DSCAML1: variants seen among roughly 807,000 people sequenced by gnomAD.
The protein encoded by DSCAML1 is DS cell adhesion molecule like 1, also known as cell adhesion molecule DSCAML1.
DSCAML1 carries 38 observed loss-of-function variants against 200.5 expected under a neutral mutation model. That is an observed-to-expected ratio of 0.19 (90% CI 0.15 to 0.25). The LOEUF (loss-of-function observed/expected upper bound fraction) is 0.25, where lower values mean the gene tolerates loss of function less well. Among genes scored for constraint, DSCAML1 ranks in the 10% least tolerant of loss-of-function variants. The probability of loss-of-function intolerance (pLI) is 1.00; values close to 1 mark genes in which losing one functional copy is unlikely to be tolerated. For missense variants in DSCAML1, 2,223 were observed against 2,858.8 expected (o/e 0.78, Z 5.07); for synonymous variants, 1,215 against 1,165.0 (o/e 1.04, Z -0.87).
chr11:117,734,006 A>C (rs917834576), intron 3 of DSCAML1, among the ~76,000 whole-genome samples: 1 of 148,442 alleles, frequency 6.7e-6, no homozygotes, highest in Non-Finnish European at 1.5e-5. Flanking sequence ...TCTGGGCCTC[A>C]AATCTCAGGG....
At chr11:117,722,222 T>C (rs554324966) in intron 3 of DSCAML1, among the ~76,000 whole-genome samples, 35 of 151,992 alleles carry the variant, frequency 2.3e-4, no homozygotes, top group African/African-American at 7.5e-4. Flanking sequence ...AGAAGGCTTA[T>C]GTCCAGGGCT....
chr11:117,672,799 T>C (rs753689321), intron 3 of DSCAML1, among the ~76,000 whole-genome samples: 3 of 152,236 alleles, frequency 2.0e-5, no homozygotes, highest in East Asian at 1.9e-4. Context: ...CGGGGTATCA[T>C]ACAACACACT....
intron 3 of DSCAML1, among the ~76,000 whole-genome samples, chr11:117,693,043 C>T (rs1183822966): frequency 1.3e-5 from 2 of 152,190 alleles, no homozygotes; most frequent in African/African-American, 4.8e-5. Context: ...GGAGCCTGGG[C>T]TCTGATGTGG....
At chr11:117,722,323 A>AG (rs1051612569) in intron 3 of DSCAML1, among the ~76,000 whole-genome samples, 17 of 150,774 alleles carry the variant, frequency 1.1e-4, no homozygotes, top group African/African-American at 4.1e-4. Context: ...AAAAAAAAAA[A>AG]GTTGAGCTCA....
intron 1 of DSCAML1, among the ~76,000 whole-genome samples, chr11:117,806,009 C>T (rs997637168): frequency 1.2e-4 from 19 of 152,150 alleles, no homozygotes; most frequent in African/African-American, 4.6e-4. Context: ...GCCTGGCCTG[C>T]GCTCAGCTAA....
chr11:117,648,071 A>G (rs1380841757), intron 3 of DSCAML1, among the ~76,000 whole-genome samples: 1 of 152,174 alleles, frequency 6.6e-6, no homozygotes. Flanking sequence ...CTGCCCAGCC[A>G]CACCCACAAG....
chr11:117,458,939 C>T (rs1387555471), intron 18 of DSCAML1, 30 bp from the exon 19 acceptor site: 18 of 1,605,846 alleles, frequency 1.1e-5, no homozygotes, highest in Non-Finnish European at 1.4e-5. Flanking sequence ...TCTGAGGACC[C>T]AGCTCCATCG....
intron 3 of DSCAML1, among the ~76,000 whole-genome samples, chr11:117,596,726 C>A (rs528222601): frequency 7.9e-5 from 12 of 152,262 alleles, no homozygotes; most frequent in Admixed American, 7.8e-4. Context: ...GTATTTTGTT[C>A]AAAAATCTAG....
Position 117,518,765 on chromosome 11 carries a change from G to A in DSCAML1, c.1214-3C>T. 4 of 1,608,974 alleles carry A rather than the reference G, an allele frequency of 2.5e-6. No individual in the cohort carries two copies. The highest frequency in any genetic ancestry group is 3.4e-6 in the Non-Finnish European group (4 of 1,179,342). On this transcript the variant is annotated splice_polypyrimidine_tract_variant and splice_region_variant and intron_variant, in intron 6 of 32. Coordinates refer to ENST00000651296, the MANE Select transcript of DSCAML1 (RefSeq NM_020693.4). This position sits in a 1 kb window ranked among gnomAD's most constrained non-coding sequence, Gnocchi z 6.3. The stretch of plus-strand genomic sequence containing the variant: ...CGAGACGATGCGGGGCGTGCCATCT[G>A]CAGGGAGCGAGAAGCCCCCTTCAGG...
chr11:117,575,172 C>A (rs1191242116), intron 3 of DSCAML1, among the ~76,000 whole-genome samples: 1 of 152,150 alleles, frequency 6.6e-6, no homozygotes, highest in Admixed American at 6.5e-5. Flanking sequence ...GCCTGGGCAA[C>A]AAGAGTGAAA....
At chr11:117,636,391 C>T (rs1362623233) in intron 3 of DSCAML1, among the ~76,000 whole-genome samples, 3 of 152,162 alleles carry the variant, frequency 2.0e-5, no homozygotes, top group African/African-American at 7.2e-5. Context: ...AAACCCAACA[C>T]CTGGGACCCA....
At chr11:117,486,390 T>G (rs113225677) in intron 11 of DSCAML1, among the ~76,000 whole-genome samples, 2,231 of 140,402 alleles carry the variant, frequency 0.016, 56 homozygotes, top group African/African-American at 0.028. Context: ...ATGGCGGATG[T>G]GAAAGTGGCG....
intron 3 of DSCAML1, among the ~76,000 whole-genome samples, chr11:117,701,851 G>A (rs1015488125): frequency 2.0e-5 from 3 of 152,102 alleles, no homozygotes; most frequent in Non-Finnish European, 4.4e-5. Context: ...TCATCCCCGC[G>A]CTCAGCCTCA....
chr11:117,649,053 G>A (rs398044949), intron 3 of DSCAML1, among the ~76,000 whole-genome samples: 4,680 of 150,074 alleles, frequency 0.031, 143 homozygotes, highest in African/African-American at 0.038. Context: ...GTGTGTGTGT[G>A]TGTGTGTGTG....
At position 117,504,394 on chromosome 11, in the gene DSCAML1, G is replaced by A. The variant is rs2049452624; in HGVS notation, c.2183-373C>T. Among the ~76,000 whole-genome samples, 1 of 152,238 alleles carries A rather than the reference G, an allele frequency of 6.6e-6. No individual in the cohort carries two copies. The highest frequency in any genetic ancestry group is 2.4e-5 in the African/African-American group (1 of 41,462). The stretch of plus-strand genomic sequence containing the variant: ...TTCAAATGGCAGTTGTCTGGTCTCA[G>A]GCAACCAGGCCTGGGAGAGAGGCCA... On this transcript the variant is annotated intron_variant, in intron 10 of 32. Coordinates refer to ENST00000651296, the MANE Select transcript of DSCAML1 (RefSeq NM_020693.4). This position sits in a 1 kb window ranked among gnomAD's most constrained non-coding sequence, Gnocchi z 5.0.
intron 3 of DSCAML1, among the ~76,000 whole-genome samples, chr11:117,619,939 C>T (rs1404664566): frequency 6.6e-6 from 1 of 152,116 alleles, no homozygotes; most frequent in Non-Finnish European, 1.5e-5. Flanking sequence ...AGCTTTGAGA[C>T]CCCAGGGAGC....
At chr11:117,493,828 C>T (rs997411723) in intron 11 of DSCAML1, among the ~76,000 whole-genome samples, 3 of 151,984 alleles carry the variant, frequency 2.0e-5, no homozygotes, top group East Asian at 1.9e-4. Context: ...GGATTTCGCC[C>T]GATTGCCCAG....
intron 3 of DSCAML1, among the ~76,000 whole-genome samples, chr11:117,718,487 G>T (rs2053989816): frequency 6.6e-6 from 1 of 152,226 alleles, no homozygotes; most frequent in Non-Finnish European, 1.5e-5. Context: ...TATTCTGAGG[G>T]TGAGGGGGCT....
chr11:117,755,284 G>C (rs1367406997), intron 3 of DSCAML1, among the ~76,000 whole-genome samples: 5 of 152,186 alleles, frequency 3.3e-5, no homozygotes, highest in Non-Finnish European at 7.3e-5. Context: ...GCTAATTTAT[G>C]ATGGGAAGAC....
Sources: allele counts gnomAD v4.1 joint callset (sites outside exome capture counted in the v4.1 genomes callset), GRCh38; gene constraint gnomAD v4.1.1; non-coding constraint Gnocchi (gnomAD v3.1); transcripts MANE v1.5; gene names NCBI Gene and HGNC (gene_info 2026-07-23, HGNC 2026-07-21).